Variants in ST6GALNAC5 observed in about 807,000 individuals in gnomAD.
ST6GALNAC5 encodes the protein ST6 N-acetylgalactosaminide alpha-2,6-sialyltransferase 5, also known as alpha-N-acetylgalactosaminide alpha-2,6-sialyltransferase 5.
Under a neutral mutation model 33.6 loss-of-function variants are expected in ST6GALNAC5, and 27 were observed. The observed-to-expected ratio is 0.80, with a 90% CI of 0.59 to 1.11. The LOEUF (loss-of-function observed/expected upper bound fraction) is 1.11, where lower values mean the gene tolerates loss of function less well. Ranked by LOEUF, ST6GALNAC5 falls within the 50% of genes least tolerant of loss-of-function variation. The probability of loss-of-function intolerance (pLI) is 0.00; values close to 1 mark genes in which losing one functional copy is unlikely to be tolerated. For missense variants in ST6GALNAC5, 428 were observed against 454.0 expected (o/e 0.94, Z 0.52); for synonymous variants, 194 against 171.2 (o/e 1.13, Z -1.04).
chr1:76,949,898 G>T lies in ST6GALNAC5; in HGVS notation c.261+81156G>T, dbSNP rs536365721. On this transcript the variant is annotated intron_variant, in intron 2 of 4. Coordinates refer to ENST00000477717, the MANE Select transcript of ST6GALNAC5 (RefSeq NM_030965.3). ...GAAAGAAAGTACCTTTGCACCTGTC[G>T]CTGAGCTAGCCTCTCCAAAATGTAC... is the stretch of plus-strand genomic sequence containing the variant. Among the ~76,000 whole-genome samples the T allele has an allele frequency of 9.5e-4, 144 of 152,216 alleles. 1 individual carries two copies. The Middle Eastern group carries it at 0.02, about 22-fold the overall frequency.
At chr1:77,008,185 A>G (rs1228328414) in intron 2 of ST6GALNAC5, among the ~76,000 whole-genome samples, 1 of 152,184 alleles carries the variant, frequency 6.6e-6, no homozygotes, top group East Asian at 1.9e-4. Flanking sequence ...GACTCTCTGC[A>G]TGGGTTAGTT....
intron 2 of ST6GALNAC5, among the ~76,000 whole-genome samples, chr1:76,894,500 AC>A: frequency 6.6e-6 from 1 of 152,142 alleles, no homozygotes; most frequent in East Asian, 1.9e-4. Context: ...TAAGCAAGGA[AC>A]CCTTGTATCC....
chr1:77,044,530 G>T lies in ST6GALNAC5; in HGVS notation c.588G>T (p.Leu196=). The T allele has an allele frequency of 1.2e-6, 2 of 1,610,216 alleles. No homozygotes were observed. Among genetic ancestry groups the T allele is most frequent in the Non-Finnish European group, 1.7e-6 (2 of 1,177,742 alleles). The change falls in exon 3 of 5, where the codon CTG becomes CTT. Residue 196 remains leucine (L), a synonymous_variant. Coordinates refer to ENST00000477717, the MANE Select transcript of ST6GALNAC5 (RefSeq NM_030965.3). ...YNNLHLLSQV[L]PRLKAFMITR... The stretch of plus-strand genomic sequence containing the variant: ...ACCTGCATCTCCTGAGCCAGGTGCT[G>T]CCCCGGCTGAAGGCCTTCATGATTA...
At position 76,885,406 on chromosome 1, in the gene ST6GALNAC5, C is replaced by T. The variant is rs529080941; in HGVS notation, c.261+16664C>T. ...TAAATCTACCAATAAAATGTAATTA[C>T]TGTTGGTACATGAATGTATTTTCAT... is the stretch of plus-strand genomic sequence containing the variant. On this transcript the variant is annotated intron_variant, in intron 2 of 4. Transcript: ENST00000477717. Among the ~76,000 whole-genome samples the T allele has an allele frequency of 4.6e-5, 7 of 152,220 alleles. No individual in the cohort carries two copies. In the South Asian group the frequency reaches 1.5e-3, roughly 32 times the overall value.
At chr1:77,044,769 G>A (rs1651954144) in intron 3 of ST6GALNAC5, among the ~76,000 whole-genome samples, 156 bp downstream of exon 3, 1 of 152,026 alleles carries the variant, frequency 6.6e-6, no homozygotes, top group Admixed American at 6.5e-5. Context: ...TGCGTGACTG[G>A]GCTGCTCAAG....
chr1:77,044,470 C>T lies in ST6GALNAC5; in HGVS notation c.528C>T (p.Tyr176=). The change falls in exon 3 of 5, where the codon TAC becomes TAT. Residue 176 remains tyrosine, a synonymous_variant. Transcript: ENST00000477717. ...TVFIFWGPSS[Y]MRRDGKGQVY... Reference sequence around the variant, plus strand: ...TCATCTTCTGGGGCCCCAGCAGCTACATGCGGCGGGACGGCAAGGGCCAGG... The same window carrying T: ...TCATCTTCTGGGGCCCCAGCAGCTATATGCGGCGGGACGGCAAGGGCCAGG... The T allele has an allele frequency of 4.3e-6, 7 of 1,613,486 alleles. No homozygotes were observed. Among genetic ancestry groups the T allele is most frequent in the East Asian group, 2.2e-5 (1 of 44,838 alleles).
chr1:76,944,404 G>T (rs188503184), intron 2 of ST6GALNAC5, among the ~76,000 whole-genome samples: 1 of 152,096 alleles, frequency 6.6e-6, no homozygotes, highest in East Asian at 1.9e-4. Context: ...CAGGCCCAAG[G>T]GAGATGAGTA....
At chr1:76,905,168 T>C (rs1398931217) in intron 2 of ST6GALNAC5, among the ~76,000 whole-genome samples, 1 of 152,186 alleles carries the variant, frequency 6.6e-6, no homozygotes, top group Non-Finnish European at 1.5e-5. Context: ...TCCCTAAAGA[T>C]AGAGAGCACA....
chr1:76,867,568 G>C lies in ST6GALNAC5; in HGVS notation c.-108G>C. On this transcript the variant is annotated 5_prime_UTR_variant, in exon 1 of 5. Transcript: ENST00000477717. ...GCGATCTGCCGCGGCCGGCTGCTGG[G>C]CAAAAATCAGAGCCGCCTCCGCCCC... 3 of 1,585,858 alleles carry C rather than the reference G, an allele frequency of 1.9e-6. No homozygotes were observed. The highest frequency in any genetic ancestry group is 1.7e-5 in the Admixed American group (1 of 59,744).
At chr1:76,879,010 T>G (rs1653715810) in intron 2 of ST6GALNAC5, among the ~76,000 whole-genome samples, 1 of 152,204 alleles carries the variant, frequency 6.6e-6, no homozygotes, top group South Asian at 2.1e-4. Flanking sequence ...CATTTTGTAG[T>G]TGAGTGACTT....
chr1:76,930,750 CATTG>C (rs1647132015), intron 2 of ST6GALNAC5, among the ~76,000 whole-genome samples: 1 of 152,094 alleles, frequency 6.6e-6, no homozygotes, highest in East Asian at 1.9e-4. Flanking sequence ...CATTGAAGAG[CATTG>C]TCAGCAGCCA....
intron 2 of ST6GALNAC5, among the ~76,000 whole-genome samples, chr1:76,923,822 TATG>T (rs1383761113): frequency 6.6e-6 from 1 of 152,186 alleles, no homozygotes; most frequent in Non-Finnish European, 1.5e-5. Context: ...GATCTCAAGA[TATG>T]ATGACTTCAT....
chr1:76,953,125 T>C (rs1236134098), intron 2 of ST6GALNAC5, among the ~76,000 whole-genome samples: 2 of 152,142 alleles, frequency 1.3e-5, no homozygotes, highest in Admixed American at 1.3e-4. Flanking sequence ...TTTGCTGTTA[T>C]GGATAGAGCT....
chr1:77,054,540 C>G (rs1652329539), intron 4 of ST6GALNAC5, among the ~76,000 whole-genome samples: 1 of 152,208 alleles, frequency 6.6e-6, no homozygotes, highest in East Asian at 1.9e-4. Context: ...CTCTTTCACA[C>G]TTTTCAGGAG....
intron 2 of ST6GALNAC5, among the ~76,000 whole-genome samples, chr1:76,893,562 G>T (rs1435789713): frequency 5.9e-5 from 9 of 152,162 alleles, no homozygotes; most frequent in Admixed American, 2.0e-4. Flanking sequence ...AAGATAATAA[G>T]TTTTACCAAT....
At chr1:77,061,042 A>C (rs1273830638) in intron 4 of ST6GALNAC5, among the ~76,000 whole-genome samples, 1 of 152,166 alleles carries the variant, frequency 6.6e-6, no homozygotes, top group Non-Finnish European at 1.5e-5. Context: ...TTTTGTTAGA[A>C]GGCATTTTTT....
chr1:77,007,027 T>G (rs1198635647), intron 2 of ST6GALNAC5, among the ~76,000 whole-genome samples: 1 of 152,206 alleles, frequency 6.6e-6, no homozygotes, highest in African/African-American at 2.4e-5. Flanking sequence ...CAAGCTCCAG[T>G]GCATAAGCTC....
intron 2 of ST6GALNAC5, among the ~76,000 whole-genome samples, chr1:76,991,725 T>C (rs1649736962): frequency 6.6e-6 from 1 of 152,138 alleles, no homozygotes; most frequent in African/African-American, 2.4e-5. Flanking sequence ...CCACAGAACA[T>C]AGCTGCCAAC....
At chr1:76,889,598 T>C (rs1653970725) in intron 2 of ST6GALNAC5, among the ~76,000 whole-genome samples, 1 of 152,160 alleles carries the variant, frequency 6.6e-6, no homozygotes, top group Non-Finnish European at 1.5e-5. Flanking sequence ...ATCAGGCAAA[T>C]GTCATTACTT....
Sources: gnomAD v4.1 joint callset for allele counts (sites outside exome capture counted in the v4.1 genomes callset) on GRCh38, gnomAD v4.1.1 for gene constraint, MANE v1.5 for transcripts, NCBI Gene and HGNC (gene_info 2026-07-23, HGNC 2026-07-21) for gene names.